Variants in ANKRD34C observed in about 807,000 individuals in gnomAD.
ANKRD34C encodes the protein ankyrin repeat domain 34C, also known as ankyrin repeat domain-containing protein 34C.
For synonymous variants in ANKRD34C, 260 were observed against 253.6 expected (o/e 1.03, Z -0.24); for missense variants, 563 against 653.0 (o/e 0.86, Z 1.50).
At chr15:79,293,187 G>T (rs1333443746) in intron 1 of ANKRD34C, 54 bp from the exon 2 acceptor site, 1 of 1,293,426 alleles carries the variant, frequency 7.7e-7, no homozygotes, top group Non-Finnish European at 1.0e-6. Flanking sequence ...TAACCATGCT[G>T]CACAGATCTG....
chr15:79,291,595 CACACACAGAGAGAGAG>C (rs770979316), intron 1 of ANKRD34C, among the ~76,000 whole-genome samples: 1,694 of 118,106 alleles, frequency 0.014, 8 homozygotes, highest in Middle Eastern at 0.026. Context: ...CACACACACA[CACACACAGAGAGAGAG>C]AGAGAGAGAG....
Position 79,293,371 on chromosome 15 carries a change from G to A in ANKRD34C, c.87G>A (p.Leu29=), listed in dbSNP as rs535985577. 6.4e-7 allele frequency: 1 copy of A among 1,551,650 alleles called. No individual in the cohort carries two copies. Among genetic ancestry groups the A allele is most frequent in the South Asian group, 1.2e-5 (1 of 84,042 alleles). The change falls in exon 2 of 2, where the codon CTG becomes CTA. Residue 29 remains leucine, a synonymous_variant. Transcript: ENST00000421388. ...TGGGGAGGCTCAGGTTGACCAGGCT[G>A]CTCTTGGAAGGGGGAGCTTATATCA... is the stretch of plus-strand genomic sequence containing the variant. ...VWLGRLRLTR[L]LLEGGAYINE... is the part of the protein sequence containing the mutation.
Position 79,298,218 on chromosome 15 carries a change from A to G in ANKRD34C, c.*3326A>G, listed in dbSNP as rs1335265008. ...TTTAGATGTTTCTAATATGTCAATA[A>G]ATGATATATTGCAATCCTTCAGTAG... On this transcript the variant is annotated 3_prime_UTR_variant, in exon 2 of 2. Coordinates refer to ENST00000421388, the MANE Select transcript of ANKRD34C (RefSeq NM_001146341.2). 1.2e-5 allele frequency: 2 copies of G among 166,432 alleles called. No individual in the cohort carries two copies. Among genetic ancestry groups the G allele is most frequent in the Non-Finnish European group, 2.9e-5 (2 of 68,124 alleles). The allele number at this position is 166,432 out of a possible 1,614,324, so 10.3% of individuals were successfully genotyped here. A position where few individuals can be genotyped will look rare whatever the true frequency, so the allele number is the denominator to read the frequency against.
intron 1 of ANKRD34C, among the ~76,000 whole-genome samples, chr15:79,291,267 A>C (rs1408910453): frequency 6.6e-6 from 1 of 152,198 alleles, no homozygotes; most frequent in African/African-American, 2.4e-5. Context: ...TGCATTTGAG[A>C]AATGAGATTT....
chr15:79,285,034 A>G (rs1227829059), intron 1 of ANKRD34C, among the ~76,000 whole-genome samples: 2 of 152,240 alleles, frequency 1.3e-5, no homozygotes, highest in South Asian at 4.1e-4. Context: ...ATTATATTCT[A>G]TTTTGTTCCA....
At chr15:79,291,477 C>G (rs2058658860) in intron 1 of ANKRD34C, among the ~76,000 whole-genome samples, 1 of 151,228 alleles carries the variant, frequency 6.6e-6, no homozygotes, top group African/African-American at 2.4e-5. Context: ...ATGCATAGGG[C>G]TTTAACACAA....
chr15:79,283,488 T>C (rs2058634679), intron 1 of ANKRD34C, among the ~76,000 whole-genome samples: 1 of 151,972 alleles, frequency 6.6e-6, no homozygotes, highest in Non-Finnish European at 1.5e-5. Context: ...GGGTGATAGG[T>C]GTCTGGATTT....
chr15:79,285,122 G>A (rs549483715), intron 1 of ANKRD34C, among the ~76,000 whole-genome samples: 152 of 152,292 alleles, frequency 1.0e-3, no homozygotes, highest in African/African-American at 3.4e-3. Flanking sequence ...GAAAACAGAG[G>A]TGAAACAAGA....
At chr15:79,286,117 A>G (rs913136855) in intron 1 of ANKRD34C, among the ~76,000 whole-genome samples, 1 of 151,788 alleles carries the variant, frequency 6.6e-6, no homozygotes, top group African/African-American at 2.4e-5. Context: ...TTTAATCTTC[A>G]GTATTTCCTC....
At chr15:79,284,077 A>G (rs777170107) in intron 1 of ANKRD34C, 1 of 152,218 alleles carries the variant, frequency 6.6e-6, no homozygotes, top group Non-Finnish European at 1.5e-5. Context: ...TTAAAAATCT[A>G]GCATTTATTA....
intron 1 of ANKRD34C, among the ~76,000 whole-genome samples, 80 bp downstream of exon 1, chr15:79,283,308 G>T (rs1164173463): frequency 6.6e-6 from 1 of 152,252 alleles, no homozygotes; most frequent in Non-Finnish European, 1.5e-5. Context: ...ATGCTGTTTA[G>T]CCACAGGCAG....
chr15:79,283,948 C>G (rs1295282316), intron 1 of ANKRD34C: 1 of 152,290 alleles, frequency 6.6e-6, no homozygotes, highest in Non-Finnish European at 1.5e-5. Flanking sequence ...CTGCTTCTAA[C>G]TGCTTCCCGT....
intron 1 of ANKRD34C, among the ~76,000 whole-genome samples, chr15:79,285,108 T>G (rs2058639865): frequency 6.6e-6 from 1 of 152,244 alleles, no homozygotes; most frequent in South Asian, 2.1e-4. Flanking sequence ...TTCGAAGTAG[T>G]CGAGAAAACA....
intron 1 of ANKRD34C, among the ~76,000 whole-genome samples, chr15:79,287,036 G>C (rs1425140875): frequency 1.3e-5 from 2 of 152,134 alleles, no homozygotes; most frequent in East Asian, 1.9e-4. Flanking sequence ...TCAAGTACTA[G>C]CTCAATTTTA....
At position 79,282,757 on chromosome 15, in the gene ANKRD34C, C is replaced by G. The variant is rs1371720260; in HGVS notation, c.-516C>G. On this transcript the variant is annotated 5_prime_UTR_variant, in exon 1 of 2. Transcript: ENST00000421388. ...CGCCCGTCGCGGCTGGAGAGCTGCT[C>G]TCGGCGCCAGCGGGCAGCAGCGCGT... 6.6e-6 allele frequency among the ~76,000 whole-genome samples: 1 copy of G among 152,242 alleles called. No homozygotes were observed. The highest frequency in any genetic ancestry group is 1.5e-5 in the Non-Finnish European group (1 of 68,048).
At chr15:79,293,132 T>A (rs1302295445) in intron 1 of ANKRD34C, among the ~76,000 whole-genome samples, 109 bp from the exon 2 acceptor site, 3 of 152,224 alleles carry the variant, frequency 2.0e-5, no homozygotes, top group Non-Finnish European at 4.4e-5. Flanking sequence ...CAAGTCAATG[T>A]AAGTTGGGAT....
intron 1 of ANKRD34C, among the ~76,000 whole-genome samples, 139 bp from the exon 2 acceptor site, chr15:79,293,102 G>T (rs2058663692): frequency 6.6e-6 from 1 of 152,190 alleles, no homozygotes; most frequent in African/African-American, 2.4e-5. Context: ...AACTAACTCA[G>T]CAATGTTAGA....
intron 1 of ANKRD34C, among the ~76,000 whole-genome samples, chr15:79,289,483 G>A (rs909225213): frequency 6.6e-6 from 1 of 152,178 alleles, no homozygotes; most frequent in Non-Finnish European, 1.5e-5. Flanking sequence ...GGAGGAGGAG[G>A]CCGCTGATTC....
chr15:79,284,857 C>T (rs367822540), intron 1 of ANKRD34C, among the ~76,000 whole-genome samples: 1 of 152,186 alleles, frequency 6.6e-6, no homozygotes, highest in Non-Finnish European at 1.5e-5. Flanking sequence ...GCCTCTCTAG[C>T]TTATAATCCT....
Sources: allele counts gnomAD v4.1 joint callset (sites outside exome capture counted in the v4.1 genomes callset), GRCh38; gene constraint gnomAD v4.1.1; transcripts MANE v1.5; gene names NCBI Gene and HGNC (gene_info 2026-07-23, HGNC 2026-07-21).